LRP1B: variants seen among roughly 807,000 people sequenced by gnomAD.
LRP1B encodes LDL receptor related protein 1B, also known as low-density lipoprotein receptor-related protein 1B.
LRP1B carries 217 observed loss-of-function variants against 556.6 expected under a neutral mutation model. The observed-to-expected ratio is 0.39, with a 90% CI of 0.35 to 0.44. LRP1B has a LOEUF of 0.44. LRP1B is among the 20% of genes least tolerant of loss of function. LRP1B has a pLI of 1.00. For missense variants in LRP1B, 5,053 were observed against 5,620.8 expected, an observed-to-expected ratio of 0.90 and a Z score of 3.23; for synonymous variants, 2,047 against 1,865.8, an observed-to-expected ratio of 1.10 and a Z score of -2.50.
At chr2:141,043,255 TA>T (rs1176275465) in intron 11 of LRP1B, among the ~76,000 whole-genome samples, 2,031 of 120,866 alleles carry the variant, frequency 0.017, 49 homozygotes, top group African/African-American at 0.053. Flanking sequence ...AATAAATAAA[TA>T]AAATAAAAAG....
chr2:142,079,660 C>A (rs1045161512), intron 1 of LRP1B, among the ~76,000 whole-genome samples: 5 of 151,958 alleles, frequency 3.3e-5, no homozygotes, highest in Non-Finnish European at 7.4e-5. Context: ...CAGGCATGCA[C>A]CAACATGCCC....
chr2:140,774,835 T>C (rs1689435216), intron 33 of LRP1B, among the ~76,000 whole-genome samples: 1 of 152,162 alleles, frequency 6.6e-6, no homozygotes, highest in African/African-American at 2.4e-5. Flanking sequence ...AAAATATCCT[T>C]GTTTATTATT....
rs759609807 is a variant in LRP1B at position 140,270,363 on chromosome 2, A to C, written c.13143-17T>G. ...TTAGTGCAGCTGCAACAACAAAGAA[A>C]AAAAGAACAATTTCATTGTTATTGG... On this transcript the variant is annotated splice_polypyrimidine_tract_variant and intron_variant, in intron 85 of 90. Transcript: ENST00000389484. The C allele has an allele frequency of 6.7e-7, 1 of 1,502,804 alleles. No individual in the cohort carries two copies. Among genetic ancestry groups the C allele is most frequent in the Non-Finnish European group, 9.3e-7 (1 of 1,079,230 alleles). The allele number at this position is 1,502,804 out of a possible 1,614,324, so 93.1% of individuals were successfully genotyped here. A position where few individuals can be genotyped will look rare whatever the true frequency, so the allele number is the denominator to read the frequency against.
chr2:140,317,910 T>A (rs16843764), intron 82 of LRP1B, among the ~76,000 whole-genome samples: 11,598 of 152,108 alleles, frequency 0.076, 490 homozygotes, highest in Middle Eastern at 0.14. Context: ...CTTGCAAAAC[T>A]CATAATAATG....
intron 41 of LRP1B, 36 bp downstream of exon 41, chr2:140,700,207 GATACTCA>G: frequency 1.3e-6 from 2 of 1,503,242 alleles, no homozygotes; most frequent in South Asian, 2.4e-5. Flanking sequence ...TAATCTAAAT[GATACTCA>G]TTTCCACCTA....
At chr2:141,051,468 C>T (rs530149197) in intron 10 of LRP1B, among the ~76,000 whole-genome samples, 1 of 152,122 alleles carries the variant, frequency 6.6e-6, no homozygotes, top group East Asian at 1.9e-4. Context: ...GAGATCATGT[C>T]CTTTGCAGGG....
intron 2 of LRP1B, among the ~76,000 whole-genome samples, chr2:141,697,438 T>C (rs1366658241): frequency 6.6e-6 from 1 of 151,956 alleles, no homozygotes; most frequent in Admixed American, 6.6e-5. Flanking sequence ...GCAGTAAATA[T>C]GACATTTGTT....
chr2:140,281,510 A>G (rs1565638), intron 84 of LRP1B, among the ~76,000 whole-genome samples: 136,985 of 151,774 alleles, frequency 0.9, 62,416 homozygotes, highest in Non-Finnish European at 0.96. Flanking sequence ...ATACAGAATG[A>G]TCATATAGGA....
chr2:140,273,233 C>A (rs1338747254), intron 85 of LRP1B, among the ~76,000 whole-genome samples: 1 of 151,736 alleles, frequency 6.6e-6, no homozygotes, highest in African/African-American at 2.4e-5. Context: ...ATATGGTGCA[C>A]AAGACATAGA....
At chr2:140,637,513 C>G (rs377191333) in intron 41 of LRP1B, among the ~76,000 whole-genome samples, 1 of 152,156 alleles carries the variant, frequency 6.6e-6, no homozygotes, top group African/African-American at 2.4e-5. Flanking sequence ...TTAAGCCAAA[C>G]AGCTTTCAAG....
At chr2:141,558,392 T>A (rs2105242959) in intron 2 of LRP1B, among the ~76,000 whole-genome samples, 1 of 151,900 alleles carries the variant, frequency 6.6e-6, no homozygotes, top group South Asian at 2.1e-4. Context: ...AGAGATCAGC[T>A]ACACAGTACC....
chr2:141,239,631 T>C (rs1295729507), intron 5 of LRP1B, among the ~76,000 whole-genome samples: 1 of 152,026 alleles, frequency 6.6e-6, no homozygotes, highest in Non-Finnish European at 1.5e-5. Flanking sequence ...GAAAAGTTAG[T>C]TTTCTAATTC....
chr2:141,335,539 A>C (rs1687817291), intron 3 of LRP1B, among the ~76,000 whole-genome samples: 1 of 152,226 alleles, frequency 6.6e-6, no homozygotes, highest in South Asian at 2.1e-4. Flanking sequence ...GAAGAATTTT[A>C]AGCAAAATAA....
intron 2 of LRP1B, among the ~76,000 whole-genome samples, chr2:141,796,208 T>G (rs1695806372): frequency 6.6e-6 from 1 of 151,962 alleles, no homozygotes; most frequent in Admixed American, 6.6e-5. Flanking sequence ...TATTTCTATT[T>G]ATCAATGAAA....
chr2:141,992,124 T>G (rs528110057), intron 1 of LRP1B, among the ~76,000 whole-genome samples: 3 of 152,150 alleles, frequency 2.0e-5, no homozygotes, highest in Non-Finnish European at 2.9e-5. Context: ...ATATAGTCAT[T>G]ATACTGTATT....
At chr2:141,077,705 T>C (rs1341363772) in intron 7 of LRP1B, among the ~76,000 whole-genome samples, 3 of 152,186 alleles carry the variant, frequency 2.0e-5, no homozygotes, top group Admixed American at 6.5e-5. Context: ...AGCTCTTGCC[T>C]GAGAGTTCCA....
intron 3 of LRP1B, among the ~76,000 whole-genome samples, chr2:141,308,851 G>T (rs1686699524): frequency 6.6e-6 from 1 of 151,754 alleles, no homozygotes; most frequent in African/African-American, 2.4e-5. Flanking sequence ...TAGCCTTTTT[G>T]TCCCATAAAA....
chr2:140,819,249 A>G (rs1188949127), intron 31 of LRP1B, among the ~76,000 whole-genome samples: 1 of 152,164 alleles, frequency 6.6e-6, no homozygotes, highest in African/African-American at 2.4e-5. Flanking sequence ...AAAGCTTGCA[A>G]CCATCTCTCT....
intron 31 of LRP1B, among the ~76,000 whole-genome samples, chr2:140,815,581 A>G (rs1441119151): frequency 6.6e-6 from 1 of 152,188 alleles, no homozygotes; most frequent in Non-Finnish European, 1.5e-5. Flanking sequence ...GTGACTGGCC[A>G]CAGGGCTACT....
Sources: gnomAD v4.1 joint callset for allele counts (sites outside exome capture counted in the v4.1 genomes callset) on GRCh38, gnomAD v4.1.1 for gene constraint, MANE v1.5 for transcripts, NCBI Gene and HGNC (gene_info 2026-07-23, HGNC 2026-07-21) for gene names.